ATP9A: variants seen among roughly 807,000 people sequenced by gnomAD.
The protein encoded by ATP9A is probable phospholipid-transporting ATPase IIA.
A neutral mutation model predicts 144.1 loss-of-function variants in ATP9A; 52 were observed. The observed-to-expected ratio is 0.36, with a 90% CI of 0.29 to 0.45. ATP9A has a LOEUF of 0.45. Ranked by LOEUF, ATP9A falls within the 20% of genes least tolerant of loss-of-function variation. ATP9A has a pLI of 1.00. For missense variants in ATP9A, 947 were observed against 1,392.7 expected (o/e 0.68, Z 5.09); for synonymous variants, 582 against 557.4 (o/e 1.04, Z -0.62).
At chr20:51,628,646 C>T (rs1452865532) in intron 16 of ATP9A, among the ~76,000 whole-genome samples, 2 of 152,178 alleles carry the variant, frequency 1.3e-5, no homozygotes, top group Non-Finnish European at 2.9e-5. Flanking sequence ...TTCAACAGTC[C>T]AAAAGTAGCT....
chr20:51,652,091 G>T (rs75883790), intron 14 of ATP9A, among the ~76,000 whole-genome samples: 7,702 of 152,196 alleles, frequency 0.051, 269 homozygotes, highest in Admixed American at 0.09. Flanking sequence ...GGCCCCCACT[G>T]CCACTCCCCA....
At chr20:51,741,044 T>A (rs1458206690) in intron 1 of ATP9A, among the ~76,000 whole-genome samples, 1 of 151,722 alleles carries the variant, frequency 6.6e-6, no homozygotes, top group African/African-American at 2.4e-5. Context: ...TTTAATTAAT[T>A]AAAAATAAAT....
At chr20:51,733,045 G>C (rs1218869936) in intron 1 of ATP9A, among the ~76,000 whole-genome samples, 2 of 151,992 alleles carry the variant, frequency 1.3e-5, no homozygotes, top group Non-Finnish European at 2.9e-5. Context: ...CAAACTGTCA[G>C]GTTGACTGTT....
intron 3 of ATP9A, among the ~76,000 whole-genome samples, chr20:51,714,326 G>C (rs189021475): frequency 1.4e-4 from 22 of 152,158 alleles, no homozygotes; most frequent in Admixed American, 9.8e-4. Flanking sequence ...GGGACCACAG[G>C]TGTGTGCGCC....
intron 14 of ATP9A, among the ~76,000 whole-genome samples, chr20:51,646,386 G>T (rs187186750): frequency 9.7e-4 from 147 of 152,270 alleles, no homozygotes; most frequent in African/African-American, 3.5e-3. Flanking sequence ...TGATAAAAGG[G>T]GTTATTTGGT....
At chr20:51,716,226 A>G (rs1035302176) in intron 3 of ATP9A, among the ~76,000 whole-genome samples, 1 of 152,192 alleles carries the variant, frequency 6.6e-6, no homozygotes, top group African/African-American at 2.4e-5. Flanking sequence ...TTTGGTCATC[A>G]TATAATGTTA....
intron 14 of ATP9A, among the ~76,000 whole-genome samples, chr20:51,640,824 G>C (rs2077315678): frequency 6.6e-6 from 1 of 152,222 alleles, no homozygotes; most frequent in Non-Finnish European, 1.5e-5. Flanking sequence ...ATACACACAG[G>C]TGGCAGTTAC....
intron 13 of ATP9A, among the ~76,000 whole-genome samples, chr20:51,666,840 T>C (rs762673512): frequency 6.6e-6 from 1 of 152,212 alleles, no homozygotes; most frequent in Non-Finnish European, 1.5e-5. Flanking sequence ...GTCACCACAC[T>C]GTGTATTCAA....
At chr20:51,651,328 A>G (rs1486788309) in intron 14 of ATP9A, among the ~76,000 whole-genome samples, 1 of 141,282 alleles carries the variant, frequency 7.1e-6, no homozygotes, top group Non-Finnish European at 1.5e-5. Context: ...TATAATATAT[A>G]TTTACATAAT....
rs565602842 is a variant in ATP9A at position 51,689,057 on chromosome 20, G to A, written c.799+7C>T. ...TTGCTACCACATTCCTCAAAACGGCGCCTCACCTGATGCGACCACAGTGCC... is the reference window on the plus strand; with the variant it reads ...TTGCTACCACATTCCTCAAAACGGCACCTCACCTGATGCGACCACAGTGCC... On this transcript the variant is annotated splice_region_variant and intron_variant, in intron 9 of 27. Transcript: ENST00000338821. The A allele has an allele frequency of 1.2e-5, 20 of 1,613,380 alleles. No homozygotes were observed. The highest frequency in any genetic ancestry group is 8.0e-5 in the African/African-American group (6 of 74,968).
At chr20:51,668,381 A>G (rs1331751571) in intron 13 of ATP9A, among the ~76,000 whole-genome samples, 1 of 151,902 alleles carries the variant, frequency 6.6e-6, no homozygotes, top group East Asian at 1.9e-4. Context: ...CATCCTTATG[A>G]GCCACATGCA....
At chr20:51,635,085 C>T (rs561794770) in intron 15 of ATP9A, among the ~76,000 whole-genome samples, 88 of 152,186 alleles carry the variant, frequency 5.8e-4, no homozygotes, top group African/African-American at 1.9e-3. Context: ...ATGAGGCTGA[C>T]GTGAGGGGAG....
At chr20:51,768,209 G>A in intron 1 of ATP9A, 93 bp downstream of exon 1, 1 of 797,970 alleles carries the variant, frequency 1.3e-6, no homozygotes, top group Non-Finnish European at 1.6e-6. Flanking sequence ...CGGGCGCGGC[G>A]CGCGGCCAAC....
intron 1 of ATP9A, among the ~76,000 whole-genome samples, chr20:51,766,502 T>C (rs970107352): frequency 3.9e-5 from 6 of 152,176 alleles, no homozygotes; most frequent in African/African-American, 1.4e-4. Context: ...ATGTACGATG[T>C]ACCAGGCACT....
At chr20:51,613,641 C>A in intron 23 of ATP9A, 36 bp downstream of exon 23, 1 of 1,590,326 alleles carries the variant, frequency 6.3e-7, no homozygotes, top group Non-Finnish European at 8.6e-7. Context: ...GGTATAGCCA[C>A]AGGCACATGT....
intron 8 of ATP9A, 79 bp downstream of exon 8, chr20:51,690,660 C>T: frequency 8.2e-7 from 1 of 1,214,156 alleles, no homozygotes; most frequent in South Asian, 1.2e-5. Flanking sequence ...TGACAAAGAA[C>T]TGTCAGTACT....
In ATP9A at chr20:51,690,750, T is replaced by C. The variant is rs1327766433; in HGVS notation, c.712A>G (p.Thr238Ala). The stretch of plus-strand genomic sequence containing the variant: ...GGAAGCTCACTTACTCGGGTAAAAG[T>C]TCCCACGAAGTTGTGAATGTCAATA... The part of the protein sequence containing the change: ...PNIDIHNFVG[T>A]FTREDSDPPI... The change falls in exon 8 of 28, where the codon ACT (threonine) becomes GCT (alanine). Residue 238 changes from threonine (T) to alanine (A), a missense_variant. This residue lies in a region of ATP9A where 770 missense variants were observed against 1,047.9 expected (regional missense o/e 0.73). Transcript: ENST00000338821. 3 of 1,614,004 alleles carry C rather than the reference T, an allele frequency of 1.9e-6. No homozygotes were observed. The highest frequency in any genetic ancestry group is 2.5e-6 in the Non-Finnish European group (3 of 1,179,886).
chr20:51,642,204 G>A (rs981766669), intron 14 of ATP9A, among the ~76,000 whole-genome samples: 15 of 151,984 alleles, frequency 9.9e-5, no homozygotes, highest in Non-Finnish European at 2.1e-4. Flanking sequence ...ACCTAGGCTG[G>A]AGTGCAGTGG....
intron 18 of ATP9A, among the ~76,000 whole-genome samples, chr20:51,622,583 T>C (rs1399685664): frequency 6.6e-6 from 1 of 152,242 alleles, no homozygotes; most frequent in Admixed American, 6.5e-5. Context: ...GGACTTTCTA[T>C]GTAGTTGGAT....
Sources: allele counts gnomAD v4.1 joint callset (sites outside exome capture counted in the v4.1 genomes callset), GRCh38; gene constraint gnomAD v4.1.1; regional missense constraint gnomAD v4.1.1; transcripts MANE v1.5; gene names NCBI Gene and HGNC (gene_info 2026-07-23, HGNC 2026-07-21).